The following CACNA2D4 variants were observed in gnomAD, a reference collection of about 807,000 sequenced individuals.
The protein encoded by CACNA2D4 is calcium voltage-gated channel auxiliary subunit alpha2delta 4.
Under a neutral mutation model 163.8 loss-of-function variants are expected in CACNA2D4, and 157 were observed. The observed-to-expected ratio is 0.96, with a 90% CI of 0.84 to 1.09. CACNA2D4 has a LOEUF of 1.09. CACNA2D4 is among the 50% of genes least tolerant of loss of function. CACNA2D4 has a pLI of 0.00. For missense variants in CACNA2D4, 1,410 were observed against 1,479.9 expected (o/e 0.95, Z 0.78); for synonymous variants, 598 against 586.9 (o/e 1.02, Z -0.27).
Position 1,827,998 on chromosome 12 carries a change from C to A in CACNA2D4, c.2551+12741G>T, listed in dbSNP as rs905635501. The A allele has an allele frequency of 1.5e-4, 84 of 555,022 alleles. No homozygotes were observed. The African/African-American group carries it at 1.5e-3, about 10-fold the overall frequency. The allele number at this position is 555,022 out of a possible 1,614,324, so 34.4% of individuals were successfully genotyped here. On this transcript the variant is annotated intron_variant, in intron 26 of 37. Coordinates refer to ENST00000382722, the MANE Select transcript of CACNA2D4 (RefSeq NM_172364.5). Reference sequence around the variant, plus strand: ...AGGGCATGAGGAGTGTAAAGAGACACCCGGGCCCTCTCCCTAACCCCTGGG... The same window carrying A: ...AGGGCATGAGGAGTGTAAAGAGACAACCGGGCCCTCTCCCTAACCCCTGGG...
At chr12:1,884,959 CCCT>C in intron 10 of CACNA2D4, 25 bp downstream of exon 10, 1 of 1,607,916 alleles carries the variant, frequency 6.2e-7, no homozygotes, top group Non-Finnish European at 8.5e-7. Context: ...CCCAGTCCTC[CCCT>C]CCCAGGCCTC....
At chr12:1,912,974 C>T (rs201751366) in intron 3 of CACNA2D4, 49 bp downstream of exon 3, 10 of 1,205,416 alleles carry the variant, frequency 8.3e-6, no homozygotes, top group African/African-American at 1.5e-5. Context: ...CTGCCACCTG[C>T]GTCATGGGGC....
At chr12:1,814,045 C>T (rs78614635) in intron 26 of CACNA2D4, among the ~76,000 whole-genome samples, 3,309 of 152,260 alleles carry the variant, frequency 0.022, 65 homozygotes, top group Non-Finnish European at 0.035. Context: ...ATCATCAGAG[C>T]GAATCACGCT....
intron 6 of CACNA2D4, among the ~76,000 whole-genome samples, chr12:1,897,959 C>T (rs973040125): frequency 6.6e-6 from 1 of 152,110 alleles, no homozygotes. Context: ...TGATGTCATA[C>T]TCAGCCATTA....
At chr12:1,871,098 G>A (rs920927809) in intron 18 of CACNA2D4, among the ~76,000 whole-genome samples, 7 of 150,154 alleles carry the variant, frequency 4.7e-5, no homozygotes, top group Middle Eastern at 3.5e-3. Context: ...GTGTGTGTAC[G>A]TGTGTGCTGC....
intron 20 of CACNA2D4, among the ~76,000 whole-genome samples, chr12:1,856,521 G>A (rs982779182): frequency 6.6e-6 from 1 of 152,202 alleles, no homozygotes; most frequent in African/African-American, 2.4e-5. Context: ...TCCTCCTGCA[G>A]CCCTCATGCC....
intron 25 of CACNA2D4, among the ~76,000 whole-genome samples, chr12:1,841,301 G>A (rs1306199549): frequency 6.6e-6 from 1 of 152,216 alleles, no homozygotes; most frequent in Non-Finnish European, 1.5e-5. Context: ...GCGGCCCTGG[G>A]CAGCGAGATG....
Position 1,914,915 on chromosome 12 carries a change from G to T in CACNA2D4, c.248C>A (p.Thr83Asn). Reference protein sequence around the residue: ...PLETVKLWADTFGGDLYNTVT... With the variant: ...PLETVKLWADNFGGDLYNTVT... The stretch of plus-strand genomic sequence containing the variant: ...AGTGTTATACAGGTCCCCGCCGAAG[G>T]TGTCAGCCCATAGCTTCACTCTGCC... Residue 83 changes from threonine to asparagine, a missense_variant, in exon 2 of 38, where the codon ACC becomes AAC. By Grantham distance (65) the Thr-to-Asn change is moderately conservative. Coordinates refer to ENST00000382722, the MANE Select transcript of CACNA2D4 (RefSeq NM_172364.5). The T allele has an allele frequency of 3.7e-6, 6 of 1,613,578 alleles. No individual in the cohort carries two copies. Among genetic ancestry groups the T allele is most frequent in the East Asian group, 2.2e-5 (1 of 44,876 alleles).
At chr12:1,888,540 T>A (rs951622491) in intron 6 of CACNA2D4, among the ~76,000 whole-genome samples, 8 of 152,094 alleles carry the variant, frequency 5.3e-5, no homozygotes, top group African/African-American at 1.4e-4. Context: ...TAGGTAGGTA[T>A]GAGAAGAACA....
chr12:1,793,264 C>T lies in CACNA2D4; in HGVS notation c.*391G>A, dbSNP rs531336365. The T allele has an allele frequency of 6.8e-5, 14 of 206,322 alleles. No homozygotes were observed. The highest frequency in any genetic ancestry group is 5.8e-4 in the East Asian group (5 of 8,648). The allele number at this position is 206,322 out of a possible 1,614,324, so 12.8% of individuals were successfully genotyped here. On this transcript the variant is annotated 3_prime_UTR_variant, in exon 38 of 38. Coordinates refer to ENST00000382722, the MANE Select transcript of CACNA2D4 (RefSeq NM_172364.5). ...CCTTGGGTTCTACCAGAGACCACTC[C>T]GACAGAAAGGGTCAGAAACAACTGA...
intron 31 of CACNA2D4, 49 bp from the exon 32 acceptor site, chr12:1,800,487 G>A (rs1863277293): frequency 6.3e-7 from 1 of 1,590,884 alleles, no homozygotes; most frequent in South Asian, 1.1e-5. Flanking sequence ...CAAGGGTGAG[G>A]GTGCCCCCCC....
chr12:1,825,409 G>A (rs2154446657), intron 26 of CACNA2D4, among the ~76,000 whole-genome samples: 1 of 152,348 alleles, frequency 6.6e-6, no homozygotes, highest in Admixed American at 6.5e-5. Context: ...CTCAACATGG[G>A]CCCTGGGCAG....
In CACNA2D4 at chr12:1,917,988, A is replaced by T. The variant is rs1302125037; in HGVS notation, c.227+259T>A. On this transcript the variant is annotated intron_variant, in intron 1 of 37. Coordinates refer to ENST00000382722, the MANE Select transcript of CACNA2D4 (RefSeq NM_172364.5). The surrounding 1 kb of genome is among the most constrained non-coding windows in gnomAD (Gnocchi z 4.3). ...GGCCAGGAAGACAGCAGCCCTGATG[A>T]TCAGTTCTTCCTAAAGCCATCCGGC... 1 of 432,334 alleles carries T rather than the reference A, an allele frequency of 2.3e-6. No individual in the cohort carries two copies. The highest frequency in any genetic ancestry group is 4.1e-6 in the Non-Finnish European group (1 of 242,552). The allele number at this position is 432,334 out of a possible 1,614,324, so 26.8% of individuals were successfully genotyped here.
intron 18 of CACNA2D4, among the ~76,000 whole-genome samples, chr12:1,873,267 T>A (rs1411919822): frequency 1.3e-5 from 2 of 152,202 alleles, no homozygotes; most frequent in Non-Finnish European, 2.9e-5. Flanking sequence ...TTGAACGTTC[T>A]TTATGTTGAA....
chr12:1,886,522 C>T, intron 7 of CACNA2D4, 149 bp from the exon 8 acceptor site: 1 of 716,416 alleles, frequency 1.4e-6, no homozygotes, highest in Admixed American at 2.8e-5. Flanking sequence ...TTCACATGTT[C>T]CATAACCACT....
chr12:1,910,215 CCAA>C (rs1259208882), intron 3 of CACNA2D4, among the ~76,000 whole-genome samples: 1 of 152,214 alleles, frequency 6.6e-6, no homozygotes, highest in Non-Finnish European at 1.5e-5. Flanking sequence ...ACCTGTGATC[CCAA>C]CAACATGGCA....
At chr12:1,815,253 C>G (rs1863836592) in intron 26 of CACNA2D4, among the ~76,000 whole-genome samples, 1 of 151,394 alleles carries the variant, frequency 6.6e-6, no homozygotes, top group South Asian at 2.1e-4. Context: ...GCTGATTTCT[C>G]TGATTTCATC....
intron 26 of CACNA2D4, among the ~76,000 whole-genome samples, chr12:1,818,509 C>G (rs1260839138): frequency 2.0e-5 from 3 of 151,802 alleles, no homozygotes; most frequent in Non-Finnish European, 4.4e-5. Flanking sequence ...GCTGTGTCCA[C>G]TCAGGGTTAA....
rs1437245523 is a variant in CACNA2D4, at chr12:1,883,687, T to C, written c.1351+556A>G. On this transcript the variant is annotated intron_variant, in intron 12 of 37. Coordinates refer to ENST00000382722, the MANE Select transcript of CACNA2D4 (RefSeq NM_172364.5). The surrounding 1 kb of genome is among the most constrained non-coding windows in gnomAD (Gnocchi z 4.5). ...CCAGTCGCCCCACTGACTTGGAGAG[T>C]GCCTCCCCCATGGCCCCCGGCACCC... 6.6e-6 allele frequency among the ~76,000 whole-genome samples: 1 copy of C among 151,982 alleles called. No homozygotes were observed. Among genetic ancestry groups the C allele is most frequent in the Non-Finnish European group, 1.5e-5 (1 of 67,990 alleles).
Sources: gnomAD v4.1 joint callset for allele counts (sites outside exome capture counted in the v4.1 genomes callset) on GRCh38, gnomAD v4.1.1 for gene constraint, Gnocchi (gnomAD v3.1) non-coding constraint, MANE v1.5 for transcripts, NCBI Gene and HGNC (gene_info 2026-07-23, HGNC 2026-07-21) for gene names.